Variants in CDK14 observed in about 807,000 individuals in gnomAD.
CDK14 encodes the protein cyclin-dependent kinase 14.
CDK14 carries 34 observed loss-of-function variants against 60.7 expected under a neutral mutation model. The observed-to-expected ratio is 0.56, with a 90% CI of 0.43 to 0.75. The LOEUF (loss-of-function observed/expected upper bound fraction) is 0.75, where lower values mean the gene tolerates loss of function less well. Among genes scored for constraint, CDK14 ranks in the 30% least tolerant of loss-of-function variants. CDK14 has a pLI of 0.00. For missense variants in CDK14, 482 were observed against 564.1 expected (o/e 0.85, Z 1.47); for synonymous variants, 197 against 203.7 (o/e 0.97, Z 0.28).
intron 1 of CDK14, 96 bp downstream of exon 1, chr7:90,596,814 G>T (rs1315850711): frequency 2.9e-6 from 3 of 1,032,510 alleles, no homozygotes; most frequent in African/African-American, 1.6e-5. Flanking sequence ...CTGCCAGCGG[G>T]GCTGGCGTGG....
At chr7:90,716,764 T>C (rs984141326) in intron 2 of CDK14, among the ~76,000 whole-genome samples, 8 of 152,100 alleles carry the variant, frequency 5.3e-5, no homozygotes, top group Admixed American at 2.0e-4. Context: ...TTATCACTCA[T>C]TGTACACAGA....
intron 8 of CDK14, among the ~76,000 whole-genome samples, chr7:90,951,145 A>C (rs1418897216): frequency 6.6e-6 from 1 of 152,198 alleles, no homozygotes; most frequent in Non-Finnish European, 1.5e-5. Flanking sequence ...TTCCCTTCCC[A>C]GTGTAACTGT....
intron 6 of CDK14, among the ~76,000 whole-genome samples, chr7:90,881,711 G>GAAGCC (rs768074573): frequency 3.9e-5 from 6 of 152,252 alleles, no homozygotes; most frequent in Non-Finnish European, 8.8e-5. Flanking sequence ...CCTACAAAGG[G>GAAGCC]AAGCCCCTAA....
intron 11 of CDK14, among the ~76,000 whole-genome samples, chr7:91,062,255 A>G (rs1317140107): frequency 6.6e-6 from 1 of 152,172 alleles, no homozygotes; most frequent in African/African-American, 2.4e-5. Flanking sequence ...GGAAAAGCGC[A>G]GTATTAGGGT....
chr7:91,091,518 A>ATATATATAT (rs1562900735), intron 12 of CDK14, among the ~76,000 whole-genome samples: 1 of 43,254 alleles, frequency 2.3e-5, no homozygotes, highest in Non-Finnish European at 4.6e-5. Flanking sequence ...TATATATATA[A>ATATATATAT]ATTAGCCAGG....
At chr7:90,636,432 A>G (rs993038860) in intron 2 of CDK14, among the ~76,000 whole-genome samples, 1 of 152,132 alleles carries the variant, frequency 6.6e-6, no homozygotes, top group Non-Finnish European at 1.5e-5. Flanking sequence ...ATACTGGATT[A>G]CATTTATTGA....
intron 4 of CDK14, among the ~76,000 whole-genome samples, chr7:90,769,031 CTT>C (rs1315954509): frequency 6.6e-6 from 1 of 152,074 alleles, no homozygotes; most frequent in African/African-American, 2.4e-5. Flanking sequence ...TGATTAAAAC[CTT>C]TGTTTGCAGA....
At chr7:90,961,152 C>G (rs985929914) in intron 9 of CDK14, among the ~76,000 whole-genome samples, 1 of 152,078 alleles carries the variant, frequency 6.6e-6, no homozygotes, top group South Asian at 2.1e-4. Flanking sequence ...AAAATTTGGT[C>G]TTTATTTTAC....
In CDK14 at chr7:91,203,186, T is replaced by C. The variant is rs148389274; in HGVS notation, c.*29-3979T>C. ...TTAATCCTACCAACCATCCTCAGGC[T>C]GGTGGTGTATCTGTGAATGGCCTGC... On this transcript the variant is annotated intron_variant, in intron 14 of 14. Transcript: ENST00000380050. Among the ~76,000 whole-genome samples, 165 of 152,328 alleles carry C rather than the reference T, an allele frequency of 1.1e-3. 1 individual carries two copies. Among genetic ancestry groups the C allele is most frequent in the African/African-American group, 3.4e-3 (141 of 41,586 alleles).
chr7:90,996,167 C>T (rs1795676639), intron 10 of CDK14, among the ~76,000 whole-genome samples: 1 of 152,150 alleles, frequency 6.6e-6, no homozygotes, highest in Non-Finnish European at 1.5e-5. Context: ...ATTAGAATTG[C>T]ATACACAAGC....
At chr7:90,636,319 G>A (rs947635981) in intron 2 of CDK14, among the ~76,000 whole-genome samples, 29 of 152,182 alleles carry the variant, frequency 1.9e-4, no homozygotes, top group African/African-American at 6.3e-4. Flanking sequence ...ATCAATACCT[G>A]ATTTATTGAG....
At chr7:90,635,317 G>A (rs1800114511) in intron 2 of CDK14, among the ~76,000 whole-genome samples, 1 of 152,210 alleles carries the variant, frequency 6.6e-6, no homozygotes, top group South Asian at 2.1e-4. Context: ...TGTATAAGGT[G>A]TAAGGAAGGG....
intron 4 of CDK14, among the ~76,000 whole-genome samples, chr7:90,787,508 A>G (rs1471785223): frequency 6.6e-6 from 1 of 152,214 alleles, no homozygotes; most frequent in East Asian, 1.9e-4. Flanking sequence ...TAATACTTTT[A>G]GTAATTTATT....
chr7:90,777,797 A>T (rs1180131064), intron 4 of CDK14, among the ~76,000 whole-genome samples: 1 of 152,102 alleles, frequency 6.6e-6, no homozygotes. Flanking sequence ...GTCATATCCC[A>T]GGCACTATCC....
chr7:90,649,433 C>CTTTCTTTCTTTCTTTCTTTCTTTCTT (rs1554427257), intron 2 of CDK14, among the ~76,000 whole-genome samples: 1 of 67,962 alleles, frequency 1.5e-5, no homozygotes, highest in Non-Finnish European at 2.6e-5. Flanking sequence ...TTCTTTCTTT[C>CTTTCTTTCTTTCTTTCTTTCTTTCTT]TCTTTCCTTC....
intron 4 of CDK14, among the ~76,000 whole-genome samples, chr7:90,776,926 C>T (rs1805072389): frequency 6.6e-6 from 1 of 152,032 alleles, no homozygotes; most frequent in Non-Finnish European, 1.5e-5. Flanking sequence ...ATTCCCCTTG[C>T]ACGCTCTTCT....
intron 2 of CDK14, among the ~76,000 whole-genome samples, chr7:90,637,464 C>G (rs1444574071): frequency 6.6e-6 from 1 of 151,786 alleles, no homozygotes; most frequent in African/African-American, 2.4e-5. Flanking sequence ...TTTCTTAATC[C>G]TGAGTTCTAG....
intron 7 of CDK14, among the ~76,000 whole-genome samples, chr7:90,910,925 C>T (rs1196876274): frequency 6.6e-6 from 1 of 152,120 alleles, no homozygotes; most frequent in African/African-American, 2.4e-5. Context: ...TGATCCTCTC[C>T]CTTCCCCCAC....
At chr7:90,918,316 T>C (rs555979522) in intron 8 of CDK14, among the ~76,000 whole-genome samples, 4 of 152,324 alleles carry the variant, frequency 2.6e-5, no homozygotes, top group Admixed American at 2.6e-4. Flanking sequence ...AGTGCAAAAA[T>C]AGACACTTAT....
Sources: gnomAD v4.1 joint callset for allele counts (sites outside exome capture counted in the v4.1 genomes callset) on GRCh38, gnomAD v4.1.1 for gene constraint, MANE v1.5 for transcripts, NCBI Gene and HGNC (gene_info 2026-07-23, HGNC 2026-07-21) for gene names.